The following ZC3H13 variants were observed in gnomAD, a reference collection of about 807,000 sequenced individuals.
The protein encoded by ZC3H13 is zinc finger CCCH domain-containing protein 13.
In ZC3H13, 64 loss-of-function variants were observed where a neutral mutation model predicts 204.1. The observed-to-expected ratio is 0.31, with a 90% CI of 0.26 to 0.39. The LOEUF is 0.39. ZC3H13 is among the 10% of genes least tolerant of loss of function. ZC3H13 has a pLI of 1.00. For missense variants in ZC3H13, 1,833 were observed against 2,082.7 expected (o/e 0.88, Z 2.33); for synonymous variants, 667 against 693.7 (o/e 0.96, Z 0.60).
intron 4 of ZC3H13, among the ~76,000 whole-genome samples, chr13:46,039,513 A>G (rs919412127): frequency 1.3e-5 from 2 of 152,234 alleles, no homozygotes; most frequent in Non-Finnish European, 2.9e-5. Context: ...GGAGACAAGA[A>G]GAAGAGTTTA....
intron 11 of ZC3H13, among the ~76,000 whole-genome samples, chr13:45,976,617 A>C (rs1042532413): frequency 3.9e-5 from 6 of 152,214 alleles, no homozygotes; most frequent in African/African-American, 1.4e-4. Flanking sequence ...ATGTACACAC[A>C]AATCACATAA....
In ZC3H13 at chr13:45,979,876, C is replaced by G. The variant is rs143795855; in HGVS notation, c.1849G>C (p.Ala617Pro). The G allele has an allele frequency of 1.9e-4, 309 of 1,608,918 alleles. No homozygotes were observed. The highest frequency in any genetic ancestry group is 1.7e-3 in the African/African-American group (123 of 74,290). The change falls in exon 11 of 19, where the codon GCA (alanine) becomes CCA (proline). Residue 617 changes from alanine (A) to proline (P), a missense_variant. Ala to Pro is a conservative substitution (Grantham distance 27). Around this residue, in one of 5 missense-constraint regions of ZC3H13, gnomAD observed 1,574 missense variants for 1,757.2 expected, o/e 0.90. Transcript: ENST00000679008. ...CTTCTCTCAAAGGAAGAATCCCTTG[C>G]TTGATCTCTGTTGTCTCTTTCAGGA... ...RYPERDNRDQ[A>P]RDSSFERRHG...
intron 16 of ZC3H13, 118 bp downstream of exon 16, chr13:45,965,162 A>C: frequency 7.6e-7 from 1 of 1,309,188 alleles, no homozygotes; most frequent in Non-Finnish European, 1.0e-6. Flanking sequence ...CCTTAAGTAA[A>C]ATGTAAAAGG....
At chr13:46,008,891 G>A (rs1038397786) in intron 7 of ZC3H13, among the ~76,000 whole-genome samples, 1 of 152,128 alleles carries the variant, frequency 6.6e-6, no homozygotes, top group African/African-American at 2.4e-5. Flanking sequence ...TAGGCAATAT[G>A]AGGGAGAGGA....
At chr13:46,013,283 G>A (rs1298978054) in intron 5 of ZC3H13, among the ~76,000 whole-genome samples, 2 of 151,978 alleles carry the variant, frequency 1.3e-5, no homozygotes, top group Admixed American at 6.5e-5. Context: ...GCGAGGTGGC[G>A]CGTGCCTAGA....
chr13:45,957,161 T>G lies in ZC3H13; in HGVS notation c.4976A>C (p.Gln1659Pro). Residue 1659 changes from glutamine (Q) to proline (P), a missense_variant, in exon 19 of 19, where the codon CAG becomes CCG. This residue lies in a region of ZC3H13 where 211 missense variants were observed against 228.4 expected (regional missense o/e 0.92). Transcript: ENST00000679008. Reference protein sequence around the residue: ...HEKTEDNKLSQSSIQQELCVS With the variant: ...HEKTEDNKLSPSSIQQELCVS ...ACACAGTTCCTGTTGGATACTGGAC[T>G]GTGAAAGTTTATTATCTTCAGTCTT... 6.5e-7 allele frequency: 1 copy of G among 1,546,902 alleles called. No homozygotes were observed.
chr13:45,958,372 T>C (rs1014905055), intron 18 of ZC3H13, among the ~76,000 whole-genome samples: 1 of 152,198 alleles, frequency 6.6e-6, no homozygotes, highest in East Asian at 1.9e-4. Context: ...AAGCAAAGAA[T>C]CACACCAACT....
intron 15 of ZC3H13, among the ~76,000 whole-genome samples, chr13:45,966,500 T>C (rs1008151428): frequency 1.7e-4 from 26 of 152,324 alleles, no homozygotes; most frequent in African/African-American, 5.3e-4. Context: ...GTAAAAACTT[T>C]ACATCACATA....
At chr13:46,034,071 C>G (rs2139031099) in intron 4 of ZC3H13, among the ~76,000 whole-genome samples, 1 of 152,138 alleles carries the variant, frequency 6.6e-6, no homozygotes, top group Non-Finnish European at 1.5e-5. Context: ...AAAAGATGTT[C>G]AACATCACTA....
chr13:45,984,628 G>T (rs1954010065), intron 10 of ZC3H13, among the ~76,000 whole-genome samples: 1 of 152,110 alleles, frequency 6.6e-6, no homozygotes, highest in South Asian at 2.1e-4. Flanking sequence ...ATATGAAGCT[G>T]TAATACTGAC....
chr13:45,964,068 T>C lies in ZC3H13; in HGVS notation c.4475-26A>G, dbSNP rs771234685. 3.8e-6 allele frequency: 6 copies of C among 1,587,108 alleles called. No homozygotes were observed. The South Asian group carries it at 5.7e-5, about 15-fold the overall frequency. On this transcript the variant is annotated intron_variant, in intron 16 of 18. Transcript: ENST00000679008. ...CTGTAAAAAGTTAAAAAGTAAGATT[T>C]GTTTTACACCAAGAAATAGCAGTCT... is the stretch of plus-strand genomic sequence containing the variant.
intron 12 of ZC3H13, 48 bp downstream of exon 12, chr13:45,975,231 GAATT>G (rs988402288): frequency 1.3e-6 from 2 of 1,555,828 alleles, no homozygotes; most frequent in Non-Finnish European, 1.7e-6. Context: ...ATGAAACTTT[GAATT>G]CTTTCCTGAA....
At position 45,964,014 on chromosome 13, in the gene ZC3H13, C is replaced by T; in HGVS notation, c.4503G>A (p.Trp1501Ter). The T allele has an allele frequency of 6.2e-7, 1 of 1,613,966 alleles. No individual in the cohort carries two copies. Among genetic ancestry groups the T allele is most frequent in the Non-Finnish European group, 8.5e-7 (1 of 1,179,948 alleles). The change falls in exon 17 of 19, where the codon TGG becomes TGA. Residue 1501 changes from tryptophan (W) to a stop codon, truncating the protein, a stop_gained. Transcript: ENST00000679008. LOFTEE classifies it high-confidence loss of function. ...PDPLDVIDVD[W>*]SGLMPKHPKE... ...TTGGATGCTTTGGCATAAGACCAGACCAATCCACATCTATCACATCTAAGG... is the reference window on the plus strand; with the variant it reads ...TTGGATGCTTTGGCATAAGACCAGATCAATCCACATCTATCACATCTAAGG...
intron 4 of ZC3H13, among the ~76,000 whole-genome samples, chr13:46,032,078 G>A (rs2042932751): frequency 6.6e-6 from 1 of 152,130 alleles, no homozygotes; most frequent in Non-Finnish European, 1.5e-5. Context: ...TTACACTGTG[G>A]ACTATGAGTA....
At chr13:45,977,976 T>C (rs1484934968) in intron 11 of ZC3H13, among the ~76,000 whole-genome samples, 1 of 152,102 alleles carries the variant, frequency 6.6e-6, no homozygotes, top group Non-Finnish European at 1.5e-5. Context: ...TATAGCATAC[T>C]CTGACTCCAA....
At chr13:45,999,660 A>G (rs2040599575) in intron 8 of ZC3H13, among the ~76,000 whole-genome samples, 1 of 152,198 alleles carries the variant, frequency 6.6e-6, no homozygotes, top group African/African-American at 2.4e-5. Context: ...GACTTCTTTT[A>G]ACTTCTGTAA....
chr13:46,043,258 TA>T (rs1223455248), intron 3 of ZC3H13, among the ~76,000 whole-genome samples: 2 of 152,006 alleles, frequency 1.3e-5, no homozygotes, highest in Non-Finnish European at 2.9e-5. Flanking sequence ...TCCTTGATTT[TA>T]TGAATATAAA....
In ZC3H13 at chr13:45,971,636, C is replaced by T. The variant is rs186202848; in HGVS notation, c.2469-1171G>A. ...TCATGGCCAAGATTCTAAAAGCAAACGCAACGAAACCAAAAATAAATAAAT... is the reference window on the plus strand; with the variant it reads ...TCATGGCCAAGATTCTAAAAGCAAATGCAACGAAACCAAAAATAAATAAAT... On this transcript the variant is annotated intron_variant, in intron 12 of 18. Coordinates refer to ENST00000679008, the MANE Select transcript of ZC3H13 (RefSeq NM_001330564.2). 7.2e-5 allele frequency among the ~76,000 whole-genome samples: 11 copies of T among 152,100 alleles called. No homozygotes were observed. In the East Asian group the frequency reaches 1.7e-3, roughly 24 times the overall value.
intron 8 of ZC3H13, among the ~76,000 whole-genome samples, chr13:45,993,559 C>T (rs2040117381): frequency 6.6e-6 from 1 of 152,094 alleles, no homozygotes; most frequent in South Asian, 2.1e-4. Flanking sequence ...CAGATGTGGG[C>T]CACAGGTCAT....
Sources: gnomAD v4.1 joint callset for allele counts (sites outside exome capture counted in the v4.1 genomes callset) on GRCh38, gnomAD v4.1.1 for gene constraint, gnomAD v4.1.1 regional missense constraint, MANE v1.5 for transcripts, NCBI Gene and HGNC (gene_info 2026-07-23, HGNC 2026-07-21) for gene names.